The following EFCAB11 variants were observed in gnomAD, a reference collection of about 807,000 sequenced individuals.
EFCAB11 encodes the protein EF-hand calcium binding domain 11, also known as EF-hand calcium-binding domain-containing protein 11.
EFCAB11 carries 14 observed loss-of-function variants against 23.0 expected under a neutral mutation model. The ratio of observed to expected loss-of-function variants is 0.61; its 90% confidence interval spans 0.40 to 0.95. The LOEUF (loss-of-function observed/expected upper bound fraction) is 0.95. Ranked by LOEUF, EFCAB11 falls within the 40% of genes least tolerant of loss-of-function variation. The pLI, the probability that EFCAB11 is intolerant of heterozygous loss-of-function variation, is 0.00. For synonymous variants in EFCAB11, 65 were observed against 66.6 expected (o/e 0.98, Z 0.11); for missense variants, 198 against 195.8 (o/e 1.01, Z -0.07).
At chr14:89,827,728 G>T (rs977577648) in intron 5 of EFCAB11, among the ~76,000 whole-genome samples, 3 of 150,784 alleles carry the variant, frequency 2.0e-5, no homozygotes, top group African/African-American at 7.3e-5. Flanking sequence ...CCGCCTCCCG[G>T]GTTCAAGCGA....
chr14:89,858,694 C>G (rs1285873474), intron 5 of EFCAB11, among the ~76,000 whole-genome samples: 2 of 115,422 alleles, frequency 1.7e-5, no homozygotes, highest in Non-Finnish European at 3.4e-5. Context: ...GAGGCAGGGT[C>G]TCCCTATGTT....
At chr14:89,848,911 A>G (rs1887513015) in intron 5 of EFCAB11, 1 of 152,258 alleles carries the variant, frequency 6.6e-6, no homozygotes, top group South Asian at 2.1e-4. Context: ...TGGGTGACAC[A>G]GCGAGACTCT....
intron 5 of EFCAB11, among the ~76,000 whole-genome samples, chr14:89,822,087 T>A (rs917820947): frequency 3.9e-5 from 6 of 152,198 alleles, no homozygotes; most frequent in South Asian, 4.1e-4. Context: ...AGGTTTTTTT[T>A]ATGTTTACAA....
intron 5 of EFCAB11, among the ~76,000 whole-genome samples, chr14:89,916,206 T>C (rs1260209941): frequency 6.9e-6 from 1 of 144,716 alleles, no homozygotes; most frequent in Non-Finnish European, 1.5e-5. Context: ...TGGATACAAG[T>C]TGTCTATGAG....
intron 5 of EFCAB11, among the ~76,000 whole-genome samples, chr14:89,915,866 T>A (rs1889823735): frequency 6.6e-6 from 1 of 152,170 alleles, no homozygotes; most frequent in Admixed American, 6.5e-5. Context: ...GAAATAAAAA[T>A]GATTGAGGAG....
chr14:89,834,386 A>AC (rs1463260785), intron 5 of EFCAB11, among the ~76,000 whole-genome samples: 9 of 148,874 alleles, frequency 6.0e-5, no homozygotes, highest in Admixed American at 2.0e-4. Flanking sequence ...AAAAAAAAAA[A>AC]AAAAAAAAAA....
At chr14:89,947,982 C>T (rs577754606) in intron 3 of EFCAB11, among the ~76,000 whole-genome samples, 1 of 152,026 alleles carries the variant, frequency 6.6e-6, no homozygotes, top group South Asian at 2.1e-4. Context: ...CAGGTATTGC[C>T]TGCCCCCTGC....
rs538574347 is a variant in EFCAB11, at chr14:89,840,630, C to T, written c.411-43306G>A. ...TAGTACCCATTCATCTGCTTTTTTTCAAAATGGAAAAGCACTACATTTAAT... is the reference window on the plus strand; with the variant it reads ...TAGTACCCATTCATCTGCTTTTTTTTAAAATGGAAAAGCACTACATTTAAT... On this transcript the variant is annotated intron_variant, in intron 5 of 5. Coordinates refer to ENST00000316738, the MANE Select transcript of EFCAB11 (RefSeq NM_145231.4). Among the ~76,000 whole-genome samples, 21 of 152,108 alleles carry T rather than the reference C, an allele frequency of 1.4e-4. No homozygotes were observed. The South Asian group carries it at 3.5e-3, about 26-fold the overall frequency.
At position 89,798,975 on chromosome 14, in the gene EFCAB11, G is replaced by T. The variant is rs12888282; in HGVS notation, c.411-1651C>A. ...CTAATTTTTGTATTTTTTTGGTAAA[G>T]ATGGGGTTTCACTATGTTGGCGAGG... On this transcript the variant is annotated intron_variant, in intron 5 of 5. Transcript: ENST00000316738. 6.7e-3 allele frequency among the ~76,000 whole-genome samples: 1,022 copies of T among 152,098 alleles called. 8 individuals are homozygous for T. The highest frequency in any genetic ancestry group is 0.023 in the African/African-American group (947 of 41,494).
At chr14:89,937,621 G>A (rs1890632072) in intron 3 of EFCAB11, among the ~76,000 whole-genome samples, 3 of 152,146 alleles carry the variant, frequency 2.0e-5, no homozygotes, top group African/African-American at 7.2e-5. Context: ...CACCTCCTGG[G>A]TTCAAGCGAT....
rs1885531522 is a variant in EFCAB11, at chr14:89,795,043, T to C, written c.*2200A>G. 1 of 145,134 alleles carries C rather than the reference T, an allele frequency of 6.9e-6. No individual in the cohort carries two copies. Among genetic ancestry groups the C allele is most frequent in the Non-Finnish European group, 1.5e-5 (1 of 66,402 alleles). 9.0% of individuals were successfully genotyped at this position (145,134 alleles called of 1,614,324 possible). A position where few individuals can be genotyped will look rare whatever the true frequency, so the allele number is the denominator to read the frequency against. ...CCCAGACTGGAGTGCAGTGGCACCATTTCAGCTCACTGCAAGCTCTGCCTC... is the reference window on the plus strand; with the variant it reads ...CCCAGACTGGAGTGCAGTGGCACCACTTCAGCTCACTGCAAGCTCTGCCTC... On this transcript the variant is annotated 3_prime_UTR_variant, in exon 6 of 6. Coordinates refer to ENST00000316738, the MANE Select transcript of EFCAB11 (RefSeq NM_145231.4).
At chr14:89,878,817 T>G (rs1253384674) in intron 5 of EFCAB11, among the ~76,000 whole-genome samples, 1 of 152,142 alleles carries the variant, frequency 6.6e-6, no homozygotes, top group Non-Finnish European at 1.5e-5. Flanking sequence ...TTCTTGGCTC[T>G]TCTCATTTTC....
intron 2 of EFCAB11, among the ~76,000 whole-genome samples, chr14:89,951,356 CTAGA>C (rs1891158098): frequency 6.6e-6 from 1 of 152,090 alleles, no homozygotes; most frequent in African/African-American, 2.4e-5. Context: ...CAAAGTGTTC[CTAGA>C]TACTTATCAG....
chr14:89,815,703 C>T (rs977476931), intron 5 of EFCAB11, among the ~76,000 whole-genome samples: 5 of 152,088 alleles, frequency 3.3e-5, no homozygotes, highest in African/African-American at 4.8e-5. Context: ...GGATTACAGG[C>T]GTGAGTCATC....
At chr14:89,898,998 TC>T (rs1889260897) in intron 5 of EFCAB11, among the ~76,000 whole-genome samples, 2 of 152,294 alleles carry the variant, frequency 1.3e-5, no homozygotes, top group South Asian at 4.1e-4. Flanking sequence ...ATAAGTATCA[TC>T]ATATGCAATT....
intron 5 of EFCAB11, among the ~76,000 whole-genome samples, chr14:89,873,491 T>G (rs1414590812): frequency 6.6e-6 from 1 of 152,176 alleles, no homozygotes; most frequent in Non-Finnish European, 1.5e-5. Context: ...AAGTCTTAAC[T>G]AATTTCATCA....
At chr14:89,816,878 A>G (rs1416832142) in intron 5 of EFCAB11, among the ~76,000 whole-genome samples, 1 of 146,880 alleles carries the variant, frequency 6.8e-6, no homozygotes, top group Non-Finnish European at 1.5e-5. Context: ...CTCTAAAAAT[A>G]ATAACATTGC....
At chr14:89,878,585 C>T (rs567221605) in intron 5 of EFCAB11, among the ~76,000 whole-genome samples, 1 of 152,158 alleles carries the variant, frequency 6.6e-6, no homozygotes, top group African/African-American at 2.4e-5. Context: ...AATATATTTT[C>T]TCAAAATATT....
At chr14:89,848,849 C>A (rs4430676) in intron 5 of EFCAB11, 1 of 151,554 alleles carries the variant, frequency 6.6e-6, no homozygotes, top group African/African-American at 2.4e-5. Flanking sequence ...ATCACTTGAA[C>A]GCGGAAGGTG....
Sources: allele counts gnomAD v4.1 joint callset (sites outside exome capture counted in the v4.1 genomes callset), GRCh38; gene constraint gnomAD v4.1.1; transcripts MANE v1.5; gene names NCBI Gene and HGNC (gene_info 2026-07-23, HGNC 2026-07-21).